The following SRD5A1 variants were observed in gnomAD, a reference collection of about 807,000 sequenced individuals.
SRD5A1 encodes steroid 5 alpha-reductase 1.
Under a neutral mutation model 28.2 loss-of-function variants are expected in SRD5A1, and 22 were observed. The ratio of observed to expected loss-of-function variants is 0.78; its 90% CI spans 0.56 to 1.12. The LOEUF is 1.12. SRD5A1 is among the 50% of genes most tolerant of loss of function. The pLI, the probability that SRD5A1 is intolerant of heterozygous loss-of-function variation, is 0.00. For missense variants in SRD5A1, 300 were observed against 346.7 expected, an observed-to-expected ratio of 0.87 and a Z score of 1.07; for synonymous variants, 151 against 135.0, an observed-to-expected ratio of 1.12 and a Z score of -0.82.
At chr5:6,657,126 C>A (rs1218291641) in intron 3 of SRD5A1, among the ~76,000 whole-genome samples, 8 of 152,212 alleles carry the variant, frequency 5.3e-5, no homozygotes, top group Admixed American at 5.2e-4. Flanking sequence ...GTTTGAAATT[C>A]TTCCACTTAT....
rs1256817815 is a variant in SRD5A1, at chr5:6,663,859, C to G, written c.713+893C>G. 4.3e-5 allele frequency among the ~76,000 whole-genome samples: 6 copies of G among 140,638 alleles called. No homozygotes were observed. The Admixed American group carries it at 4.3e-4, about 10-fold the overall frequency. The allele number at this position is 140,638 out of a possible 152,430, so 92.3% of individuals were successfully genotyped here. On this transcript the variant is annotated intron_variant, in intron 4 of 4. Coordinates refer to ENST00000274192, the MANE Select transcript of SRD5A1 (RefSeq NM_001047.4). The stretch of plus-strand genomic sequence containing the variant: ...TGGTTGAGAGAGTGAGACTCAGTCT[C>G]AAAAAAAAAAGAAAAAAGGAAAAGA...
chr5:6,666,891 T>C (rs1424281612), intron 4 of SRD5A1, among the ~76,000 whole-genome samples: 1 of 152,204 alleles, frequency 6.6e-6, no homozygotes, highest in Non-Finnish European at 1.5e-5. Flanking sequence ...GCTCTCCTGC[T>C]GTCATGTACT....
chr5:6,648,567 G>C (rs967992495), intron 1 of SRD5A1, among the ~76,000 whole-genome samples: 1 of 152,124 alleles, frequency 6.6e-6, no homozygotes. Flanking sequence ...ATTGATACTT[G>C]TGTATGCTTC....
At chr5:6,662,039 AC>A (rs1739020605) in intron 3 of SRD5A1, among the ~76,000 whole-genome samples, 1 of 151,428 alleles carries the variant, frequency 6.6e-6, no homozygotes, top group Admixed American at 6.6e-5. Context: ...CCTTCTCCCC[AC>A]CCCTCATCTG....
intron 2 of SRD5A1, among the ~76,000 whole-genome samples, chr5:6,653,818 GC>G (rs8192194): frequency 0.017 from 2,634 of 152,274 alleles, 35 homozygotes; most frequent in Non-Finnish European, 0.027. Context: ...TGACTGTGAA[GC>G]TGGTCAGAGA....
chr5:6,653,192 T>C (rs539238325), intron 2 of SRD5A1, among the ~76,000 whole-genome samples: 50 of 152,326 alleles, frequency 3.3e-4, no homozygotes, highest in African/African-American at 1.2e-3. Context: ...CCATGTTTTT[T>C]GTTGGTGAAT....
At chr5:6,656,477 C>G (rs1738839367) in intron 3 of SRD5A1, among the ~76,000 whole-genome samples, 1 of 152,156 alleles carries the variant, frequency 6.6e-6, no homozygotes, top group South Asian at 2.1e-4. Context: ...ACTTTTGTTT[C>G]TAGCAGTATA....
intron 3 of SRD5A1, among the ~76,000 whole-genome samples, chr5:6,657,866 G>T (rs1738879288): frequency 6.6e-6 from 1 of 152,150 alleles, no homozygotes; most frequent in Admixed American, 6.5e-5. Context: ...TCTGATCCTT[G>T]TTCTAATCCA....
intron 4 of SRD5A1, among the ~76,000 whole-genome samples, chr5:6,666,339 G>T (rs1428259466): frequency 6.6e-6 from 1 of 151,966 alleles, no homozygotes; most frequent in Non-Finnish European, 1.5e-5. Flanking sequence ...TAGTAGAGAC[G>T]GGGTTTCACC....
intron 1 of SRD5A1, 37 bp downstream of exon 1, chr5:6,633,906 C>T (rs1222464530): frequency 6.3e-7 from 1 of 1,589,454 alleles, no homozygotes; most frequent in Non-Finnish European, 8.5e-7. Context: ...ACCCTACTCC[C>T]GGCCCGGCGT....
rs1739245142 is a variant in SRD5A1 at position 6,668,185 on chromosome 5, T to A, written c.714-17T>A. 2 of 1,498,996 alleles carry A rather than the reference T, an allele frequency of 1.3e-6. No individual in the cohort carries two copies. Among genetic ancestry groups the A allele is most frequent in the Non-Finnish European group, 9.1e-7 (1 of 1,099,538 alleles). The allele number at this position is 1,498,996 out of a possible 1,614,324, so 92.9% of individuals were successfully genotyped here. A position where few individuals can be genotyped will look rare whatever the true frequency, so the allele number is the denominator to read the frequency against. On this transcript the variant is annotated splice_polypyrimidine_tract_variant and intron_variant, in intron 4 of 4. Coordinates refer to ENST00000274192, the MANE Select transcript of SRD5A1 (RefSeq NM_001047.4). ...TAAGCGACAGAATTATTTCCTTTTTTAATTTTTTTTTCTTAGGTGGTACCT... is the reference window on the plus strand; with the variant it reads ...TAAGCGACAGAATTATTTCCTTTTTAAATTTTTTTTTCTTAGGTGGTACCT...
At position 6,633,651 on chromosome 5, in the gene SRD5A1, C is replaced by G. The variant is rs758272131; in HGVS notation, c.75C>G (p.Cys25Trp). ...CCTACCTGCAGTGCGCCGTGGGCTG[C>G]GCGGTCTTCGCGCGCAATCGTCAGA... ...ALAYLQCAVG[C>W]AVFARNRQTN... The change falls in exon 1 of 5, where the codon TGC (cysteine) becomes TGG (tryptophan). Residue 25 changes from cysteine to tryptophan, a missense_variant. Transcript: ENST00000274192. 2.9e-5 allele frequency: 46 copies of G among 1,567,700 alleles called. No homozygotes were observed. Among genetic ancestry groups the G allele is most frequent in the Non-Finnish European group, 3.9e-5 (45 of 1,164,284 alleles).
chr5:6,666,895 A>G (rs1739201060), intron 4 of SRD5A1, among the ~76,000 whole-genome samples: 1 of 152,012 alleles, frequency 6.6e-6, no homozygotes, highest in African/African-American at 2.4e-5. Context: ...TCCTGCTGTC[A>G]TGTACTCTGC....
chr5:6,648,222 AT>A (rs1233204785), intron 1 of SRD5A1, among the ~76,000 whole-genome samples: 5 of 151,872 alleles, frequency 3.3e-5, no homozygotes, highest in African/African-American at 1.2e-4. Flanking sequence ...TTTTTCCTTC[AT>A]TTCAACCTTG....
chr5:6,649,621 T>C (rs1384670106), intron 1 of SRD5A1, among the ~76,000 whole-genome samples: 7 of 152,230 alleles, frequency 4.6e-5, no homozygotes, highest in Non-Finnish European at 1.0e-4. Context: ...AAAAGCGCAG[T>C]GTCTGGGCCA....
intron 4 of SRD5A1, among the ~76,000 whole-genome samples, 178 bp from the exon 5 acceptor site, chr5:6,668,024 A>T (rs920491052): frequency 5.9e-5 from 9 of 152,232 alleles, no homozygotes; most frequent in African/African-American, 2.2e-4. Flanking sequence ...GATTAGATAT[A>T]TTTAATTCTT....
At chr5:6,658,219 G>A (rs191622131) in intron 3 of SRD5A1, among the ~76,000 whole-genome samples, 2 of 152,228 alleles carry the variant, frequency 1.3e-5, no homozygotes, top group Non-Finnish European at 2.9e-5. Context: ...CAGCTACTTG[G>A]GAGGCTGAGA....
chr5:6,651,510 T>C (rs1017320955), intron 1 of SRD5A1, among the ~76,000 whole-genome samples: 3 of 151,794 alleles, frequency 2.0e-5, no homozygotes, highest in African/African-American at 7.3e-5. Flanking sequence ...ATAATAATAA[T>C]AATAATAAGT....
chr5:6,657,262 A>G (rs1406510309), intron 3 of SRD5A1, among the ~76,000 whole-genome samples: 1 of 152,248 alleles, frequency 6.6e-6, no homozygotes, highest in Admixed American at 6.5e-5. Context: ...GTAGTGTGAT[A>G]GAAGTGGCAG....
Sources: gnomAD v4.1 joint callset for allele counts (sites outside exome capture counted in the v4.1 genomes callset) on GRCh38, gnomAD v4.1.1 for gene constraint, MANE v1.5 for transcripts, NCBI Gene and HGNC (gene_info 2026-07-23, HGNC 2026-07-21) for gene names.